Variants in SNX10 observed in about 807,000 individuals in gnomAD.
SNX10 encodes sorting nexin-10.
Under a neutral mutation model 28.5 loss-of-function variants are expected in SNX10, and 25 were observed. That is an observed-to-expected ratio of 0.88 (90% CI 0.64 to 1.22). The LOEUF (loss-of-function observed/expected upper bound fraction) is 1.22, where lower values mean the gene tolerates loss of function less well. SNX10 is among the 50% of genes most tolerant of loss of function. The probability of loss-of-function intolerance (pLI) is 0.00; values close to 1 mark genes in which losing one functional copy is unlikely to be tolerated. For synonymous variants in SNX10, 62 were observed against 81.4 expected (o/e 0.76, Z 1.28); for missense variants, 223 against 242.6 (o/e 0.92, Z 0.54).
intron 2 of SNX10, among the ~76,000 whole-genome samples, chr7:26,356,721 A>G (rs1788835852): frequency 6.6e-6 from 1 of 152,222 alleles, no homozygotes. Context: ...TACTGAAGCT[A>G]TCAGAAGGAT....
At chr7:26,340,713 G>T (rs1271631203) in intron 1 of SNX10, among the ~76,000 whole-genome samples, 1 of 152,208 alleles carries the variant, frequency 6.6e-6, no homozygotes, top group African/African-American at 2.4e-5. Flanking sequence ...AATGTCACCA[G>T]CAGGTTTGAG....
intron 1 of SNX10, among the ~76,000 whole-genome samples, chr7:26,301,040 AAAAAG>A: frequency 6.6e-6 from 1 of 151,306 alleles, no homozygotes; most frequent in Non-Finnish European, 1.5e-5. Flanking sequence ...AAAAAAAAAA[AAAAAG>A]CCATCATCTC....
intron 1 of SNX10, among the ~76,000 whole-genome samples, chr7:26,305,570 G>T (rs1278029971): frequency 5.9e-5 from 9 of 152,170 alleles, no homozygotes; most frequent in African/African-American, 1.4e-4. Context: ...ACAACTTGGG[G>T]TCTCTTCATC....
chr7:26,354,914 C>T (rs1788755973), intron 2 of SNX10, among the ~76,000 whole-genome samples: 1 of 149,592 alleles, frequency 6.7e-6, no homozygotes, highest in African/African-American at 2.4e-5. Context: ...GAAAGATTTT[C>T]TTTGATTTTT....
At chr7:26,329,961 G>A (rs1787671287) in intron 1 of SNX10, among the ~76,000 whole-genome samples, 1 of 152,124 alleles carries the variant, frequency 6.6e-6, no homozygotes. Flanking sequence ...AGGGAGATGG[G>A]AAGGGTGGGT....
At chr7:26,326,519 C>T (rs1244828688) in intron 1 of SNX10, among the ~76,000 whole-genome samples, 1 of 152,164 alleles carries the variant, frequency 6.6e-6, no homozygotes, top group Non-Finnish European at 1.5e-5. Context: ...CATATTACCT[C>T]CTTCATTAAT....
chr7:26,332,444 T>C (rs1046752173), intron 1 of SNX10, among the ~76,000 whole-genome samples: 1 of 152,226 alleles, frequency 6.6e-6, no homozygotes, highest in Non-Finnish European at 1.5e-5. Flanking sequence ...GTGTTTTTCT[T>C]ATTAAGTTGT....
Position 26,330,605 on chromosome 7 carries a change from G to A in SNX10, c.-23-15815G>A, listed in dbSNP as rs77308982. Among the ~76,000 whole-genome samples the A allele has an allele frequency of 7.9e-3, 1,203 of 152,228 alleles. 17 individuals are homozygous for A. Among genetic ancestry groups the A allele is most frequent in the African/African-American group, 0.026 (1,100 of 41,522 alleles). On this transcript the variant is annotated intron_variant, in intron 1 of 6. Coordinates refer to ENST00000338523, the MANE Select transcript of SNX10 (RefSeq NM_013322.3). ...GAAGAGGAGAGGGCAGAGGAAGGAC[G>A]GAGTCAGATCCAGGTAGAGATGAGA...
chr7:26,358,948 G>A (rs1584166716), intron 2 of SNX10, among the ~76,000 whole-genome samples: 1 of 151,306 alleles, frequency 6.6e-6, no homozygotes, highest in East Asian at 2.0e-4. Flanking sequence ...TGAGATTACA[G>A]GCGCCCAACA....
intron 1 of SNX10, among the ~76,000 whole-genome samples, chr7:26,295,526 C>T (rs1294878297): frequency 1.3e-5 from 2 of 152,146 alleles, no homozygotes; most frequent in Non-Finnish European, 2.9e-5. Context: ...AATGGAGAGG[C>T]AGAATAACTT....
chr7:26,326,911 C>T (rs1032640554), intron 1 of SNX10, among the ~76,000 whole-genome samples: 2 of 149,618 alleles, frequency 1.3e-5, no homozygotes, highest in East Asian at 2.0e-4. Flanking sequence ...CTTAGAACAG[C>T]GATTATCCTT....
chr7:26,362,414 C>T (rs915594585), intron 3 of SNX10, among the ~76,000 whole-genome samples: 17 of 152,238 alleles, frequency 1.1e-4, no homozygotes, highest in African/African-American at 4.1e-4. Context: ...CTGCTCTGCT[C>T]TATAAATAGC....
At chr7:26,329,905 G>A (rs544676151) in intron 1 of SNX10, among the ~76,000 whole-genome samples, 3 of 152,180 alleles carry the variant, frequency 2.0e-5, no homozygotes, top group Non-Finnish European at 4.4e-5. Context: ...GGAGCTGAGG[G>A]TGCAGAGGGA....
intron 2 of SNX10, among the ~76,000 whole-genome samples, chr7:26,351,579 C>T (rs575634252): frequency 9.3e-5 from 14 of 151,102 alleles, no homozygotes; most frequent in Non-Finnish European, 2.1e-4. Context: ...TATAATGTAT[C>T]TCGAGTGGGA....
chr7:26,356,550 A>G (rs570468630), intron 2 of SNX10, among the ~76,000 whole-genome samples: 159 of 152,290 alleles, frequency 1.0e-3, no homozygotes, highest in African/African-American at 3.7e-3. Flanking sequence ...AGTATGGGGA[A>G]ACTTCACTAA....
chr7:26,330,334 AG>A (rs1787690908), intron 1 of SNX10, among the ~76,000 whole-genome samples: 1 of 152,054 alleles, frequency 6.6e-6, no homozygotes, highest in African/African-American at 2.4e-5. Context: ...TCACATTCCT[AG>A]GTTCTAGGTA....
At chr7:26,358,016 G>A (rs1473842307) in intron 2 of SNX10, among the ~76,000 whole-genome samples, 1 of 152,170 alleles carries the variant, frequency 6.6e-6, no homozygotes, top group Non-Finnish European at 1.5e-5. Flanking sequence ...AGTGTGCAAA[G>A]AACAACAGCC....
intron 2 of SNX10, among the ~76,000 whole-genome samples, chr7:26,350,714 G>T (rs1284192836): frequency 9.4e-6 from 1 of 106,868 alleles, no homozygotes; most frequent in East Asian, 3.3e-4. Context: ...CTCAGTCTCT[G>T]TTATACTCAG....
chr7:26,296,847 A>G (rs1786129498), intron 1 of SNX10, among the ~76,000 whole-genome samples: 1 of 152,180 alleles, frequency 6.6e-6, no homozygotes, highest in African/African-American at 2.4e-5. Context: ...ATGTCTAAAA[A>G]AAATTTTAGA....
Sources: allele counts gnomAD v4.1 joint callset (sites outside exome capture counted in the v4.1 genomes callset), GRCh38; gene constraint gnomAD v4.1.1; transcripts MANE v1.5; gene names NCBI Gene and HGNC (gene_info 2026-07-23, HGNC 2026-07-21).